Variants in TNIK observed in about 807,000 individuals in gnomAD.
TNIK encodes the protein TRAF2 and NCK interacting kinase, also known as TRAF2 and NCK-interacting protein kinase.
TNIK carries 49 observed loss-of-function variants against 191.3 expected under a neutral mutation model. That is an observed-to-expected ratio of 0.26 (90% CI 0.20 to 0.32). The LOEUF (loss-of-function observed/expected upper bound fraction) is 0.32. Ranked by LOEUF, TNIK falls within the 10% of genes least tolerant of loss-of-function variation. The pLI is 1.00. For synonymous variants in TNIK, 594 were observed against 600.9 expected (o/e 0.99, Z 0.17); for missense variants, 1,155 against 1,702.3 (o/e 0.68, Z 5.66).
intron 1 of TNIK, among the ~76,000 whole-genome samples, chr3:171,419,207 G>A (rs1723446262): frequency 6.6e-6 from 1 of 152,050 alleles, no homozygotes; most frequent in South Asian, 2.1e-4. Context: ...GTAACAACGT[G>A]GACAAAACCT....
intron 12 of TNIK, among the ~76,000 whole-genome samples, chr3:171,145,617 GTAAT>G (rs879901719): frequency 1.2e-4 from 19 of 152,232 alleles, no homozygotes; most frequent in Non-Finnish European, 2.2e-4. Context: ...GCCCTCAAAG[GTAAT>G]GCATTTATCC....
chr3:171,086,237 CTGATT>C (rs752747925), intron 24 of TNIK, among the ~76,000 whole-genome samples: 8 of 152,198 alleles, frequency 5.3e-5, no homozygotes, highest in Non-Finnish European at 8.8e-5. Flanking sequence ...AAGATCTAAT[CTGATT>C]TAATTCAAGA....
intron 2 of TNIK, among the ~76,000 whole-genome samples, chr3:171,281,026 G>C (rs1259279032): frequency 6.6e-6 from 1 of 152,174 alleles, no homozygotes; most frequent in East Asian, 1.9e-4. Flanking sequence ...TCCCTTTGGA[G>C]AAGCTAAGGA....
chr3:171,162,541 A>G (rs1452941384), intron 10 of TNIK, among the ~76,000 whole-genome samples: 5 of 152,244 alleles, frequency 3.3e-5, no homozygotes, highest in African/African-American at 1.2e-4. Flanking sequence ...GTGTGAATGA[A>G]TAAGATTGAG....
chr3:171,316,153 G>A (rs1754574557), intron 2 of TNIK, among the ~76,000 whole-genome samples: 1 of 152,132 alleles, frequency 6.6e-6, no homozygotes, highest in African/African-American at 2.4e-5. Flanking sequence ...CCAGAAGACT[G>A]TAAGCTCCCA....
At chr3:171,293,404 G>A (rs1751910838) in intron 2 of TNIK, among the ~76,000 whole-genome samples, 1 of 152,208 alleles carries the variant, frequency 6.6e-6, no homozygotes, top group Admixed American at 6.5e-5. Context: ...GGTAGGATGT[G>A]CACCACTGGT....
chr3:171,441,738 A>G (rs576850278), intron 1 of TNIK, among the ~76,000 whole-genome samples: 2 of 152,304 alleles, frequency 1.3e-5, no homozygotes, highest in South Asian at 4.1e-4. Context: ...CTGTTTTTCA[A>G]AGTGGCTGAG....
chr3:171,356,511 T>C (rs1476850756), intron 2 of TNIK, among the ~76,000 whole-genome samples: 6 of 152,200 alleles, frequency 3.9e-5, no homozygotes, highest in Non-Finnish European at 5.9e-5. Context: ...AAGCACTATA[T>C]ATTGAAACAG....
intron 19 of TNIK, among the ~76,000 whole-genome samples, chr3:171,108,961 A>C (rs1725404406): frequency 6.6e-6 from 1 of 152,204 alleles, no homozygotes; most frequent in African/African-American, 2.4e-5. Flanking sequence ...ATTTCTTAAA[A>C]AGTAGTCTTT....
rs139375987 is a variant in TNIK at position 171,409,312 on chromosome 3, C to T, written c.58-39627G>A. Among the ~76,000 whole-genome samples the T allele has an allele frequency of 2.0e-3, 302 of 152,166 alleles. 1 individual carries two copies. The highest frequency in any genetic ancestry group is 3.4e-3 in the Non-Finnish European group (229 of 68,000). ...TGAGTTTCTCTGGGGTGAAACTTGC[C>T]TAACAATCTTCAACACCCAGCAAAG... On this transcript the variant is annotated intron_variant, in intron 1 of 32. Coordinates refer to ENST00000436636, the MANE Select transcript of TNIK (RefSeq NM_015028.4).
chr3:171,376,195 C>G (rs576954310), intron 1 of TNIK, among the ~76,000 whole-genome samples: 64 of 152,288 alleles, frequency 4.2e-4, no homozygotes, highest in Non-Finnish European at 7.5e-4. Context: ...GGAGAACTCT[C>G]CACATTTATC....
intron 1 of TNIK, among the ~76,000 whole-genome samples, chr3:171,453,360 G>A (rs1021929593): frequency 6.6e-6 from 1 of 152,128 alleles, no homozygotes; most frequent in African/African-American, 2.4e-5. Flanking sequence ...GGAAAAGGTG[G>A]TCTGCGAATG....
intron 2 of TNIK, among the ~76,000 whole-genome samples, chr3:171,241,057 T>A (rs1744915601): frequency 6.6e-6 from 1 of 150,534 alleles, no homozygotes; most frequent in African/African-American, 2.5e-5. Flanking sequence ...GGAGATAGAG[T>A]TCTGCTCTTG....
chr3:171,182,003 C>T (rs563335766), intron 7 of TNIK, among the ~76,000 whole-genome samples: 8 of 152,064 alleles, frequency 5.3e-5, no homozygotes, highest in African/African-American at 1.9e-4. Context: ...ATTTAGTACA[C>T]ATCACCTCAG....
At chr3:171,458,282 G>T (rs1164394994) in intron 1 of TNIK, among the ~76,000 whole-genome samples, 2 of 151,918 alleles carry the variant, frequency 1.3e-5, no homozygotes, top group Non-Finnish European at 2.9e-5. Flanking sequence ...AGTCGGTAAA[G>T]CAGGAAGCCA....
chr3:171,180,495 T>G (rs1280453450), intron 7 of TNIK, among the ~76,000 whole-genome samples: 1 of 152,248 alleles, frequency 6.6e-6, no homozygotes, highest in East Asian at 1.9e-4. Context: ...GGATCTTTGT[T>G]CTGTTGTCTG....
intron 2 of TNIK, among the ~76,000 whole-genome samples, chr3:171,309,524 A>T (rs1753798088): frequency 6.6e-6 from 1 of 152,152 alleles, no homozygotes. Context: ...TCTGTAGAAC[A>T]AACTTGCACG....
intron 23 of TNIK, among the ~76,000 whole-genome samples, chr3:171,090,338 A>G (rs1462976919): frequency 6.6e-6 from 1 of 151,520 alleles, no homozygotes; most frequent in Non-Finnish European, 1.5e-5. Context: ...TCCATGAAAT[A>G]CCCTAAATCT....
intron 23 of TNIK, among the ~76,000 whole-genome samples, chr3:171,089,022 C>T (rs1721715022): frequency 1.3e-5 from 2 of 152,176 alleles, no homozygotes; most frequent in Non-Finnish European, 2.9e-5. Flanking sequence ...GCTCTCTGCA[C>T]CTGCCTCTGG....
Sources: gnomAD v4.1 joint callset for allele counts (sites outside exome capture counted in the v4.1 genomes callset) on GRCh38, gnomAD v4.1.1 for gene constraint, MANE v1.5 for transcripts, NCBI Gene and HGNC (gene_info 2026-07-23, HGNC 2026-07-21) for gene names.